ZDHHC11B: variants seen among roughly 807,000 people sequenced by gnomAD.
The protein encoded by ZDHHC11B is probable palmitoyltransferase ZDHHC11B.
A neutral mutation model predicts 42.3 loss-of-function variants in ZDHHC11B; 17 were observed. That is an observed-to-expected ratio of 0.40 (90% CI 0.27 to 0.60). ZDHHC11B has a LOEUF of 0.60. Ranked by LOEUF, ZDHHC11B falls within the 20% of genes least tolerant of loss-of-function variation. ZDHHC11B has a pLI of 0.41. For missense variants in ZDHHC11B, 262 were observed against 463.2 expected, an observed-to-expected ratio of 0.57 and a Z score of 3.99; for synonymous variants, 123 against 193.5, an observed-to-expected ratio of 0.64 and a Z score of 3.02.
intron 12 of ZDHHC11B, among the ~76,000 whole-genome samples, chr5:729,852 G>A (rs1742883793): frequency 6.6e-6 from 1 of 151,736 alleles, no homozygotes; most frequent in Non-Finnish European, 1.5e-5. Flanking sequence ...TGTTCTGTGA[G>A]AAGTGTATCC....
chr5:752,607 G>C lies in ZDHHC11B; in HGVS notation c.504-1350C>G, dbSNP rs1481600347. Among the ~76,000 whole-genome samples the C allele has an allele frequency of 3.2e-5, 3 of 94,790 alleles. 1 individual carries two copies. The highest frequency in any genetic ancestry group is 9.5e-4 in the South Asian group (2 of 2,104). 62.2% of individuals were successfully genotyped at this position (94,790 alleles called of 152,430 possible). A position where few individuals can be genotyped will look rare whatever the true frequency, so the allele number is the denominator to read the frequency against. Reference sequence around the variant, plus strand: ...TGGAGGCCAGAGCATGAATGCCGCAGTCGTCCGAAGACGCAGTTAGGGCAC... The same window carrying C: ...TGGAGGCCAGAGCATGAATGCCGCACTCGTCCGAAGACGCAGTTAGGGCAC... On this transcript the variant is annotated intron_variant, in intron 6 of 13. Coordinates refer to ENST00000508859, the MANE Select transcript of ZDHHC11B (RefSeq NM_001351303.2).
intron 12 of ZDHHC11B, among the ~76,000 whole-genome samples, chr5:722,484 A>G (rs1742262950): frequency 6.6e-6 from 1 of 151,650 alleles, no homozygotes; most frequent in African/African-American, 2.4e-5. Flanking sequence ...GAAGTAGGCC[A>G]CAATAAGCCA....
intron 10 of ZDHHC11B, among the ~76,000 whole-genome samples, chr5:739,296 C>T (rs1221307318): frequency 1.3e-5 from 2 of 150,952 alleles, no homozygotes; most frequent in East Asian, 2.0e-4. Flanking sequence ...TACTTGGGAG[C>T]CTGAGGCAAG....
rs370738889 is a variant in ZDHHC11B, at chr5:728,371, T to C, written c.1058+2063A>G. On this transcript the variant is annotated intron_variant, in intron 12 of 13. Transcript: ENST00000508859. ...AATGCCCTTTGACTTTTAAGTGTTC[T>C]ACAGAAACAAAACAATATTGTCAGT... Among the ~76,000 whole-genome samples the C allele has an allele frequency of 1.9e-3, 271 of 144,462 alleles. 1 individual carries two copies. Among genetic ancestry groups the C allele is most frequent in the East Asian group, 8.0e-3 (36 of 4,492 alleles). The allele number at this position is 144,462 out of a possible 152,430, so 94.8% of individuals were successfully genotyped here.
At chr5:731,169 T>C (rs1381655298) in intron 11 of ZDHHC11B, among the ~76,000 whole-genome samples, 2 of 151,316 alleles carry the variant, frequency 1.3e-5, no homozygotes, top group African/African-American at 2.4e-5. Context: ...TGTGGCATCA[T>C]CTTTCATCCC....
At chr5:726,107 C>T (rs367793302) in intron 12 of ZDHHC11B, among the ~76,000 whole-genome samples, 30 of 149,250 alleles carry the variant, frequency 2.0e-4, no homozygotes, top group African/African-American at 5.7e-4. Context: ...TATCCCCCAT[C>T]GGTTTGTCTA....
chr5:757,054 T>C (rs894081879), intron 4 of ZDHHC11B, among the ~76,000 whole-genome samples: 9 of 151,842 alleles, frequency 5.9e-5, no homozygotes, highest in Non-Finnish European at 8.8e-5. Flanking sequence ...AACGTCAGCT[T>C]CCGCCCTCAG....
intron 4 of ZDHHC11B, among the ~76,000 whole-genome samples, chr5:764,243 G>A (rs571301781): frequency 9.2e-5 from 14 of 152,076 alleles, no homozygotes; most frequent in South Asian, 6.2e-4. Context: ...GGCAGCCCTC[G>A]CTCACTCTCG....
At chr5:746,449 T>C (rs375038965) in intron 8 of ZDHHC11B, among the ~76,000 whole-genome samples, 22 of 103,794 alleles carry the variant, frequency 2.1e-4, no homozygotes, top group South Asian at 9.4e-4. Flanking sequence ...GGCGTCCTGC[T>C]TCCAGGCATC....
chr5:774,284 GCTGGGGA>G (rs1429330055), intron 1 of ZDHHC11B, among the ~76,000 whole-genome samples: 1 of 152,138 alleles, frequency 6.6e-6, no homozygotes, highest in East Asian at 1.9e-4. Flanking sequence ...AATTGACAGG[GCTGGGGA>G]AACAGCAGCC....
chr5:777,951 T>A (rs1403957622), intron 1 of ZDHHC11B, among the ~76,000 whole-genome samples: 1 of 151,650 alleles, frequency 6.6e-6, no homozygotes, highest in East Asian at 1.9e-4. Context: ...GGTCGGCGGG[T>A]CCCGAGCCCT....
chr5:784,457 G>A (rs1401028694), intron 1 of ZDHHC11B, among the ~76,000 whole-genome samples: 1 of 152,220 alleles, frequency 6.6e-6, no homozygotes, highest in African/African-American at 2.4e-5. Flanking sequence ...AAGCCTCCCC[G>A]TCGCGTCCTC....
chr5:756,117 G>A lies in ZDHHC11B; in HGVS notation c.250C>T (p.Leu84Phe). 7.0e-7 allele frequency: 1 copy of A among 1,432,428 alleles called. No individual in the cohort carries two copies. The highest frequency in any genetic ancestry group is 9.3e-7 in the Non-Finnish European group (1 of 1,079,790). The allele number at this position is 1,432,428 out of a possible 1,614,324, so 88.7% of individuals were successfully genotyped here. ...VVTGGIFSFH[L>F]VVHLIASCID... ...CAGGACGCGATCAGGTGGACGACGA[G>A]GTGGAACGAGAAGATCCCCCCGGTC... The change falls in exon 5 of 14, where the codon CTC becomes TTC. Residue 84 changes from leucine to phenylalanine, a missense_variant. Coordinates refer to ENST00000508859, the MANE Select transcript of ZDHHC11B (RefSeq NM_001351303.2).
chr5:765,917 T>C (rs1735258030), intron 4 of ZDHHC11B, among the ~76,000 whole-genome samples: 2 of 151,960 alleles, frequency 1.3e-5, no homozygotes, highest in Admixed American at 1.3e-4. Flanking sequence ...GTGTCACCAC[T>C]TCCCCACTGA....
At chr5:719,963 C>T (rs1183879765) in intron 12 of ZDHHC11B, among the ~76,000 whole-genome samples, 1 of 151,736 alleles carries the variant, frequency 6.6e-6, no homozygotes, top group African/African-American at 2.4e-5. Context: ...CATATCCATG[C>T]AGTATACACT....
At chr5:725,206 C>T (rs1447089773) in intron 12 of ZDHHC11B, among the ~76,000 whole-genome samples, 16 of 150,610 alleles carry the variant, frequency 1.1e-4, no homozygotes, top group African/African-American at 3.5e-4. Context: ...AGGAGGCCAT[C>T]GGAGAACCAG....
chr5:754,221 G>A (rs10063854), intron 6 of ZDHHC11B, among the ~76,000 whole-genome samples: 1 of 34,378 alleles, frequency 2.9e-5, no homozygotes, highest in Non-Finnish European at 6.0e-5. Context: ...GGGGAAACAC[G>A]TCTCATCTAT....
intron 1 of ZDHHC11B, among the ~76,000 whole-genome samples, chr5:770,016 A>C (rs1735865098): frequency 6.6e-6 from 1 of 151,866 alleles, no homozygotes; most frequent in African/African-American, 2.4e-5. Context: ...CTCCAACTCC[A>C]GCGACAGCTT....
In ZDHHC11B at chr5:734,129, C is replaced by T. The variant is rs1213402493; in HGVS notation, c.936-290G>A. Among the ~76,000 whole-genome samples the T allele has an allele frequency of 4.9e-5, 7 of 141,708 alleles. No individual in the cohort carries two copies. The East Asian group carries it at 1.0e-3, about 21-fold the overall frequency. 93.0% of individuals were successfully genotyped at this position (141,708 alleles called of 152,430 possible). A position where few individuals can be genotyped will look rare whatever the true frequency, so the allele number is the denominator to read the frequency against. ...ACTTGCCCTACACCAGTGCCTAAGACGGGTTCTGAAGAGTGATGGCAGATG... is the reference window on the plus strand; with the variant it reads ...ACTTGCCCTACACCAGTGCCTAAGATGGGTTCTGAAGAGTGATGGCAGATG... On this transcript the variant is annotated intron_variant, in intron 10 of 13. Transcript: ENST00000508859.
Sources: gnomAD v4.1 joint callset for allele counts (sites outside exome capture counted in the v4.1 genomes callset) on GRCh38, gnomAD v4.1.1 for gene constraint, MANE v1.5 for transcripts, NCBI Gene and HGNC (gene_info 2026-07-23, HGNC 2026-07-21) for gene names.